GRIN2B: variants seen among roughly 807,000 people sequenced by gnomAD.
The protein encoded by GRIN2B is glutamate receptor ionotropic, NMDA 2B.
GRIN2B carries 5 observed loss-of-function variants against 114.5 expected under a neutral mutation model. The ratio of observed to expected loss-of-function variants is 0.04; its 90% confidence interval spans 0.02 to 0.09. The LOEUF (loss-of-function observed/expected upper bound fraction) is 0.09. GRIN2B is among the 10% of genes least tolerant of loss of function. GRIN2B has a pLI of 1.00. For synonymous variants in GRIN2B, 787 were observed against 745.1 expected (o/e 1.06, Z -0.92); for missense variants, 1,108 against 1,943.5 (o/e 0.57, Z 8.08).
intron 5 of GRIN2B, among the ~76,000 whole-genome samples, chr12:13,667,320 A>G (rs150498714): frequency 2.3e-4 from 35 of 152,320 alleles, no homozygotes; most frequent in Non-Finnish European, 4.1e-4. Context: ...GCAGACCCGA[A>G]ATAACAAAGG....
rs75962370 is a variant in GRIN2B, at chr12:13,688,784, A to G, written c.1011-12925T>C. Among the ~76,000 whole-genome samples the G allele has an allele frequency of 3.5e-4, 54 of 152,300 alleles. 1 individual carries two copies. In the East Asian group the frequency reaches 5.2e-3, roughly 15 times the overall value. Reference sequence around the variant, plus strand: ...AATTCTCTCTGGACTTAAAAATACAATATTAAAGTATTTCTTTGGAGCTAT... The same window carrying G: ...AATTCTCTCTGGACTTAAAAATACAGTATTAAAGTATTTCTTTGGAGCTAT... On this transcript the variant is annotated intron_variant, in intron 4 of 13. Transcript: ENST00000609686.
rs1303322187 is a variant in GRIN2B at position 13,875,250 on chromosome 12, G to A, written c.-18-9024C>T. ...AAAAAAAATAAAATAAAATGGGCGG[G>A]CCCTGTGGCTCACGCCTTTAGTAAT... On this transcript the variant is annotated intron_variant, in intron 2 of 13. Transcript: ENST00000609686. 2.0e-5 allele frequency among the ~76,000 whole-genome samples: 3 copies of A among 152,222 alleles called. 1 individual carries two copies. The highest frequency in any genetic ancestry group is 2.0e-4 in the Admixed American group (3 of 15,280).
rs374302782 is a variant in GRIN2B at position 13,616,667 on chromosome 12, G to A, written c.1126-10C>T. 1.1e-5 allele frequency: 17 copies of A among 1,605,664 alleles called. No individual in the cohort carries two copies. In the African/African-American group the frequency reaches 2.0e-4, roughly 19 times the overall value. ...CTTTCCACTTCCCCACCTGCACAAG[G>A]ATGAACACAAGAATCAGAAACCACT... On this transcript the variant is annotated splice_polypyrimidine_tract_variant and intron_variant, in intron 5 of 13. Transcript: ENST00000609686.
Position 13,616,499 on chromosome 12 carries a change from G to A in GRIN2B, c.1284C>T (p.Thr428=), listed in dbSNP as rs757473152. 6.2e-7 allele frequency: 1 copy of A among 1,614,088 alleles called. No individual in the cohort carries two copies. Among genetic ancestry groups the A allele is most frequent in the Non-Finnish European group, 8.5e-7 (1 of 1,179,978 alleles). The change falls in exon 6 of 14, where the codon ACC becomes ACT. Residue 428 remains threonine (T), a synonymous_variant. Transcript: ENST00000609686. ...IVESVDPLSG[T]CMRNTVPCQK... ...GGCAGGGGACTGTGTTCCTCATGCA[G>A]GTTCCACTCAGAGGGTCCACACTTT... is the stretch of plus-strand genomic sequence containing the variant.
chr12:13,785,759 A>G lies in GRIN2B; in HGVS notation c.412-31844T>C, dbSNP rs117375775. ...TCACATCAATCTTGTGATGTAACAAATATAGCAACAGATAACAAAATAGTT... is the reference window on the plus strand; with the variant it reads ...TCACATCAATCTTGTGATGTAACAAGTATAGCAACAGATAACAAAATAGTT... On this transcript the variant is annotated intron_variant, in intron 3 of 13. Coordinates refer to ENST00000609686, the MANE Select transcript of GRIN2B (RefSeq NM_000834.5). Among the ~76,000 whole-genome samples, 641 of 152,336 alleles carry G rather than the reference A, an allele frequency of 4.2e-3. 3 individuals carry two copies. Among genetic ancestry groups the G allele is most frequent in the Non-Finnish European group, 6.3e-3 (427 of 68,030 alleles).
chr12:13,626,737 C>G (rs959049504), intron 5 of GRIN2B, among the ~76,000 whole-genome samples: 2 of 151,280 alleles, frequency 1.3e-5, no homozygotes, highest in Non-Finnish European at 2.9e-5. Context: ...TCTTTTTAAC[C>G]CTGTGTTGTA....
chr12:13,679,309 A>G (rs906458285), intron 4 of GRIN2B, among the ~76,000 whole-genome samples: 5 of 152,196 alleles, frequency 3.3e-5, no homozygotes, highest in African/African-American at 1.2e-4. Context: ...TCTCAAGATG[A>G]CTTCTTTGAA....
intron 4 of GRIN2B, among the ~76,000 whole-genome samples, chr12:13,728,643 C>T (rs1299160091): frequency 6.6e-6 from 1 of 152,046 alleles, no homozygotes. Flanking sequence ...TCCTTAATGG[C>T]AGGAACCAGG....
intron 3 of GRIN2B, among the ~76,000 whole-genome samples, chr12:13,762,380 G>A (rs1041840031): frequency 2.6e-5 from 4 of 152,238 alleles, no homozygotes; most frequent in Non-Finnish European, 5.9e-5. Context: ...AACTTAAGCC[G>A]AAAGGACAGC....
chr12:13,569,878 C>A lies in GRIN2B; in HGVS notation c.2311G>T (p.Gly771Trp). 1 of 1,612,628 alleles carries A rather than the reference C, an allele frequency of 6.2e-7. No homozygotes were observed. Among genetic ancestry groups the A allele is most frequent in the Non-Finnish European group, 8.5e-7 (1 of 1,179,236 alleles). Residue 771 changes from glycine to tryptophan, a missense_variant, in exon 12 of 14, where the codon GGG (glycine) becomes TGG (tryptophan). Gly to Trp is a radical substitution (Grantham distance 184, BLOSUM62 -2). Coordinates refer to ENST00000609686, the MANE Select transcript of GRIN2B (RefSeq NM_000834.5). ...GCAAGGTCCACCTGGCGCTTCCACCCAGAATCTTTTTGGATGGCAATGCCA... is the reference window on the plus strand; with the variant it reads ...GCAAGGTCCACCTGGCGCTTCCACCAAGAATCTTTTTGGATGGCAATGCCA... ...GYGIAIQKDS[G>W]WKRQVDLAIL...
At chr12:13,594,179 T>C (rs1165805186) in intron 10 of GRIN2B, among the ~76,000 whole-genome samples, 1 of 152,196 alleles carries the variant, frequency 6.6e-6, no homozygotes, top group African/African-American at 2.4e-5. Context: ...ACTGGGTATA[T>C]ACCCAAAGGA....
At chr12:13,782,449 G>C (rs907361085) in intron 3 of GRIN2B, among the ~76,000 whole-genome samples, 1 of 152,130 alleles carries the variant, frequency 6.6e-6, no homozygotes. Flanking sequence ...TGCCACTGAG[G>C]TTAAGAACAG....
At chr12:13,780,487 T>C (rs781593760) in intron 3 of GRIN2B, among the ~76,000 whole-genome samples, 50 of 152,178 alleles carry the variant, frequency 3.3e-4, no homozygotes, top group Non-Finnish European at 6.0e-4. Context: ...CCACAAAGAA[T>C]AGCAGATGCA....
intron 4 of GRIN2B, among the ~76,000 whole-genome samples, chr12:13,705,806 C>A (rs975367151): frequency 3.9e-5 from 6 of 152,006 alleles, no homozygotes; most frequent in African/African-American, 1.4e-4. Context: ...AAAATAAACC[C>A]TTTGATGAAC....
At chr12:13,876,350 T>G (rs912155409) in intron 2 of GRIN2B, among the ~76,000 whole-genome samples, 1 of 152,244 alleles carries the variant, frequency 6.6e-6, no homozygotes, top group Non-Finnish European at 1.5e-5. Flanking sequence ...AGTTACCTGA[T>G]ATTTATTCAT....
chr12:13,822,512 G>C (rs560832742), intron 3 of GRIN2B, among the ~76,000 whole-genome samples: 2 of 152,220 alleles, frequency 1.3e-5, no homozygotes, highest in East Asian at 1.9e-4. Context: ...ATAAGACAAA[G>C]GGTAAAGAGA....
rs1867557449 is a variant in GRIN2B, at chr12:13,954,815, A to AAAAAAAAAAAAAAAAAAAAAC, written c.-19+25112_-19+25113insGTTTTTTTTTTTTTTTTTTTT. On this transcript the variant is annotated intron_variant, in intron 2 of 13. Transcript: ENST00000609686. ...CAGAGTGAGACTCCGTCTCAGGAAA[A>AAAAAAAAAAAAAAAAAAAAAC]AAAAAAAAAAAAAACTTTTTCTTCT... 2.7e-5 allele frequency among the ~76,000 whole-genome samples: 4 copies of AAAAAAAAAAAAAAAAAAAAAC among 145,904 alleles called. 1 individual carries two copies. The highest frequency in any genetic ancestry group is 4.5e-5 in the Non-Finnish European group (3 of 66,124).
At chr12:13,825,530 G>GTGTGTA (rs1302451300) in intron 3 of GRIN2B, among the ~76,000 whole-genome samples, 2 of 146,306 alleles carry the variant, frequency 1.4e-5, no homozygotes, top group Non-Finnish European at 3.0e-5. Context: ...GTGTGTGTGT[G>GTGTGTA]TGTATGATGG....
At chr12:13,803,275 A>AT (rs1222441056) in intron 3 of GRIN2B, among the ~76,000 whole-genome samples, 1 of 152,110 alleles carries the variant, frequency 6.6e-6, no homozygotes, top group African/African-American at 2.4e-5. Flanking sequence ...TTACACACAG[A>AT]TTTTTTACTG....
Sources: allele counts gnomAD v4.1 joint callset (sites outside exome capture counted in the v4.1 genomes callset), GRCh38; gene constraint gnomAD v4.1.1; transcripts MANE v1.5; gene names NCBI Gene and HGNC (gene_info 2026-07-23, HGNC 2026-07-21).